Variants in MEGF6 observed in about 807,000 individuals in gnomAD.
MEGF6 encodes the protein multiple EGF like domains 6.
In MEGF6, 184 loss-of-function variants were observed where a neutral mutation model predicts 207.1. That is an observed-to-expected ratio of 0.89 (90% CI 0.79 to 1.00). MEGF6 has a LOEUF of 1.00. Among genes scored for constraint, MEGF6 ranks in the 50% least tolerant of loss-of-function variants. MEGF6 has a pLI of 0.00. For synonymous variants in MEGF6, 1,038 were observed against 910.0 expected (o/e 1.14, Z -2.53); for missense variants, 2,282 against 2,202.9 (o/e 1.04, Z -0.72).
chr1:3,617,774 G>C, the MEGF6 span, among the ~76,000 whole-genome samples: 1 of 152,276 alleles, frequency 6.6e-6, no homozygotes, highest in Non-Finnish European at 1.5e-5. Flanking sequence ...CCTTGTAAGA[G>C]AAAGCAGAGG....
chr1:3,543,403 G>GCGCT (rs1330091979), intron 4 of MEGF6, among the ~76,000 whole-genome samples: 1 of 152,236 alleles, frequency 6.6e-6, no homozygotes, highest in Admixed American at 6.5e-5. Flanking sequence ...CCTGAGCCAT[G>GCGCT]CGCTCACTCA....
upstream of MEGF6, among the ~76,000 whole-genome samples, chr1:3,615,917 G>C (rs978734883): frequency 4.6e-5 from 7 of 152,228 alleles, no homozygotes; most frequent in African/African-American, 1.4e-4. Context: ...GAGTGGACAG[G>C]CTTCCATTTC....
intron 2 of MEGF6, among the ~76,000 whole-genome samples, chr1:3,596,826 C>A (rs1347229052): frequency 6.6e-6 from 1 of 152,050 alleles, no homozygotes; most frequent in Admixed American, 6.5e-5. Flanking sequence ...CTGGAACTCA[C>A]CCTGAGTGGG....
intron 7 of MEGF6, 57 bp from the exon 8 acceptor site, chr1:3,512,185 G>A (rs1391541377): frequency 3.9e-6 from 6 of 1,546,950 alleles, no homozygotes; most frequent in East Asian, 2.3e-5. Flanking sequence ...CCTTTGCATG[G>A]GACCAGTGGA....
At chr1:3,537,723 C>A (rs1352705034) in intron 4 of MEGF6, among the ~76,000 whole-genome samples, 1 of 152,220 alleles carries the variant, frequency 6.6e-6, no homozygotes, top group African/African-American at 2.4e-5. Context: ...TCATCCCACC[C>A]CTGCCCTGGG....
chr1:3,506,452 G>A (rs1056277574), intron 14 of MEGF6, among the ~76,000 whole-genome samples: 2 of 152,200 alleles, frequency 1.3e-5, no homozygotes, highest in African/African-American at 4.8e-5. Flanking sequence ...AAGGGCGGGT[G>A]GAAGAGCACA....
At position 3,576,591 on chromosome 1, in the gene MEGF6, G is replaced by C. The variant is rs974691184; in HGVS notation, c.481+3234C>G. On this transcript the variant is annotated intron_variant, in intron 4 of 36. Coordinates refer to ENST00000356575, the MANE Select transcript of MEGF6 (RefSeq NM_001409.4). ...CAGGAAGGTGATGGTGAGAGGTCTAGGTGGGAGCACTATGGGCAGGGGCTA... is the reference window on the plus strand; with the variant it reads ...CAGGAAGGTGATGGTGAGAGGTCTACGTGGGAGCACTATGGGCAGGGGCTA... Among the ~76,000 whole-genome samples the C allele has an allele frequency of 6.6e-5, 10 of 152,218 alleles. No homozygotes were observed. The South Asian group carries it at 1.2e-3, about 19-fold the overall frequency.
rs1323729198 is a variant in MEGF6 at position 3,490,466 on chromosome 1, A to C, written c.*62T>G. ...CCGTGAAGTGTCCTTCTCAGTGGTC[A>C]CCAAAGGCCAGGGTCCCCTCTGGCT... On this transcript the variant is annotated 3_prime_UTR_variant, in exon 37 of 37. Coordinates refer to ENST00000356575, the MANE Select transcript of MEGF6 (RefSeq NM_001409.4). 6.3e-7 allele frequency: 1 copy of C among 1,581,262 alleles called. No homozygotes were observed. The highest frequency in any genetic ancestry group is 2.2e-5 in the East Asian group (1 of 44,628).
At chr1:3,527,319 T>C (rs1642000657) in intron 4 of MEGF6, among the ~76,000 whole-genome samples, 1 of 152,182 alleles carries the variant, frequency 6.6e-6, no homozygotes, top group South Asian at 2.1e-4. Flanking sequence ...CTGCCACCTA[T>C]GGAAACCCTG....
chr1:3,568,744 G>A (rs1027004933), intron 4 of MEGF6, among the ~76,000 whole-genome samples: 7 of 152,054 alleles, frequency 4.6e-5, no homozygotes, highest in Non-Finnish European at 8.8e-5. Flanking sequence ...AGGATGGGCC[G>A]TGAGCACCGC....
chr1:3,616,430 G>A (rs368136326), upstream of MEGF6, among the ~76,000 whole-genome samples: 79 of 152,154 alleles, frequency 5.2e-4, 1 homozygote, highest in East Asian at 2.7e-3. Context: ...GTACCGCCCC[G>A]GTCTGTTCCT....
chr1:3,501,554 G>C (rs979795803), intron 18 of MEGF6, among the ~76,000 whole-genome samples: 1 of 152,092 alleles, frequency 6.6e-6, no homozygotes, highest in African/African-American at 2.4e-5. Flanking sequence ...AGCCGAGCCC[G>C]TTAGAGATGG....
chr1:3,493,622 C>A, intron 34 of MEGF6, 149 bp downstream of exon 34: 1 of 1,122,986 alleles, frequency 8.9e-7, no homozygotes, highest in Non-Finnish European at 1.2e-6. Context: ...CTGACTCCAG[C>A]CCCCCCAGGG....
At position 3,579,812 on chromosome 1, in the gene MEGF6, G is replaced by A. The variant is rs753452079; in HGVS notation, c.481+13C>T. The A allele has an allele frequency of 1.4e-6, 2 of 1,475,618 alleles. No individual in the cohort carries two copies. Among genetic ancestry groups the A allele is most frequent in the Non-Finnish European group, 1.8e-6 (2 of 1,117,332 alleles). The allele number at this position is 1,475,618 out of a possible 1,614,324, so 91.4% of individuals were successfully genotyped here. A position where few individuals can be genotyped will look rare whatever the true frequency, so the allele number is the denominator to read the frequency against. On this transcript the variant is annotated intron_variant, in intron 4 of 36. Transcript: ENST00000356575. ...CATGGCCAGGGCCTTGGTCCCCCAG[G>A]GGCTCCACTCACCATACTGACAGCG... is the stretch of plus-strand genomic sequence containing the variant.
chr1:3,516,682 G>C (rs1417215992), intron 5 of MEGF6, among the ~76,000 whole-genome samples: 2 of 152,210 alleles, frequency 1.3e-5, no homozygotes, highest in Non-Finnish European at 2.9e-5. Flanking sequence ...GGTCAACAGA[G>C]CAGGCAGCGG....
chr1:3,595,710 T>A (rs570473606), intron 2 of MEGF6, among the ~76,000 whole-genome samples: 1 of 152,242 alleles, frequency 6.6e-6, no homozygotes, highest in East Asian at 1.9e-4. Context: ...ACACGCTACC[T>A]CACTGCCCCT....
intron 5 of MEGF6, among the ~76,000 whole-genome samples, chr1:3,523,522 AC>A (rs534470279): frequency 5.9e-5 from 9 of 152,256 alleles, no homozygotes; most frequent in African/African-American, 1.7e-4. Context: ...AAGCTGAGGG[AC>A]AGGGTCCCGC....
rs1370813904 is a variant in MEGF6 at position 3,525,466 on chromosome 1, ACCTCGCAGGAC to A, written c.482-1231_482-1221del. Among the ~76,000 whole-genome samples the A allele has an allele frequency of 2.6e-5, 4 of 152,224 alleles. No individual in the cohort carries two copies. In the East Asian group the frequency reaches 5.8e-4, roughly 22 times the overall value. The stretch of plus-strand genomic sequence containing the variant: ...AGAGCAGCAGTCCAAGGCCACAGAC[ACCTCGCAGGAC>A]CCTTGTCCCTCCCACTGCTTACCAA... On this transcript the variant is annotated intron_variant, in intron 4 of 36. Coordinates refer to ENST00000356575, the MANE Select transcript of MEGF6 (RefSeq NM_001409.4).
At chr1:3,531,059 C>T (rs1168340909) in intron 4 of MEGF6, 1 of 1,507,318 alleles carries the variant, frequency 6.6e-7, no homozygotes, top group Non-Finnish European at 8.8e-7. Flanking sequence ...CCCGCCCTGC[C>T]CAGGCTCGCC....
Sources: allele counts gnomAD v4.1 joint callset (sites outside exome capture counted in the v4.1 genomes callset), GRCh38; gene constraint gnomAD v4.1.1; transcripts MANE v1.5; gene names NCBI Gene and HGNC (gene_info 2026-07-23, HGNC 2026-07-21).